FSIP2: variants seen among roughly 807,000 people sequenced by gnomAD.
FSIP2 encodes fibrous sheath interacting protein 2.
A neutral mutation model predicts 510.5 loss-of-function variants in FSIP2; 367 were observed. That is an observed-to-expected ratio of 0.72 (90% CI 0.66 to 0.78). The LOEUF (loss-of-function observed/expected upper bound fraction) is 0.78, where lower values mean the gene tolerates loss of function less well. Among genes scored for constraint, FSIP2 ranks in the 30% least tolerant of loss-of-function variants. FSIP2 has a pLI of 0.00. For synonymous variants in FSIP2, 2,601 were observed against 2,732.2 expected (o/e 0.95, Z 1.50); for missense variants, 7,594 against 7,901.7 (o/e 0.96, Z 1.48).
chr2:185,794,752 C>T lies in FSIP2; in HGVS notation c.7616C>T (p.Ala2539Val), dbSNP rs535615287. Residue 2539 changes from alanine to valine, a missense_variant, in exon 16 of 23, where the codon GCA becomes GTA. Physicochemically the swap from Ala to Val is moderately conservative, Grantham distance 64. Coordinates refer to ENST00000424728, the MANE Select transcript of FSIP2 (RefSeq NM_173651.4). ...NSFQSHINSV[A>V]NDIVESVLGK... The stretch of plus-strand genomic sequence containing the variant: ...TTTCAATCACATATTAACAGTGTAG[C>T]AAATGACATAGTTGAAAGTGTTTTG... The T allele has an allele frequency of 6.5e-7, 1 of 1,533,792 alleles. No homozygotes were observed. Among genetic ancestry groups the T allele is most frequent in the Non-Finnish European group, 8.7e-7 (1 of 1,145,314 alleles).
rs537339962 is a variant in FSIP2, at chr2:185,788,886, T to A, written c.1750T>A (p.Cys584Ser). Reference sequence around the variant, plus strand: ...AACTAAAACATTTCAGGCAGAACCCTGTGCATTTGTAGTTGACACGTCAGT... The same window carrying A: ...AACTAAAACATTTCAGGCAGAACCCAGTGCATTTGTAGTTGACACGTCAGT... The part of the protein sequence containing the change: ...ATTKTFQAEP[C>S]AFVVDTSVRR... Residue 584 changes from cysteine to serine, a missense_variant, in exon 16 of 23, where the codon TGT (cysteine) becomes AGT (serine). Cys to Ser is a moderately radical substitution (Grantham distance 112). Coordinates refer to ENST00000424728, the MANE Select transcript of FSIP2 (RefSeq NM_173651.4). 74 of 1,535,092 alleles carry A rather than the reference T, an allele frequency of 4.8e-5. No individual in the cohort carries two copies. The East Asian group carries it at 1.6e-3, about 32-fold the overall frequency.
intron 21 of FSIP2, among the ~76,000 whole-genome samples, chr2:185,828,837 C>T: frequency 6.6e-6 from 1 of 151,786 alleles, no homozygotes; most frequent in East Asian, 2.0e-4. Context: ...CTTAAACACC[C>T]TTCGAGTGGG....
At position 185,804,212 on chromosome 2, in the gene FSIP2, T is replaced by C; in HGVS notation, c.14906T>C (p.Leu4969Ser). 1 of 1,519,596 alleles carries C rather than the reference T, an allele frequency of 6.6e-7. No individual in the cohort carries two copies. The allele number at this position is 1,519,596 out of a possible 1,614,324, so 94.1% of individuals were successfully genotyped here. A position where few individuals can be genotyped will look rare whatever the true frequency, so the allele number is the denominator to read the frequency against. ...KILYAFSHNMLVTENPDRVKL... is the reference protein window; with the variant it reads ...KILYAFSHNMSVTENPDRVKL... The stretch of plus-strand genomic sequence containing the variant: ...CTTTATGCATTTTCACATAACATGT[T>C]GGTTACTGAAAATCCAGATAGAGTG... Residue 4969 changes from leucine (L) to serine (S), a missense_variant, in exon 17 of 23, where the codon TTG becomes TCG. Transcript: ENST00000424728.
rs990575982 is a variant in FSIP2 at position 185,739,265 on chromosome 2, G to A, written c.100-81G>A. ...ATTGTATAATTCTTCGGAGTCTTTG[G>A]TTGCAATGGAAGTAGATTGGTCTAA... On this transcript the variant is annotated intron_variant, in intron 1 of 22. Coordinates refer to ENST00000424728, the MANE Select transcript of FSIP2 (RefSeq NM_173651.4). 3 of 1,371,988 alleles carry A rather than the reference G, an allele frequency of 2.2e-6. No homozygotes were observed. In the African/African-American group the frequency reaches 4.5e-5, roughly 20 times the overall value. 85.0% of individuals were successfully genotyped at this position (1,371,988 alleles called of 1,614,324 possible).
rs1693641028 is a variant in FSIP2 at position 185,808,359 on chromosome 2, G to A, written c.19053G>A (p.Val6351=). Residue 6351 remains valine, a synonymous_variant, in exon 17 of 23, where the codon GTG becomes GTA. Coordinates refer to ENST00000424728, the MANE Select transcript of FSIP2 (RefSeq NM_173651.4). ...LTLDAKLLEE[V]LALFLAKLIR... ...TAGATGCCAAACTTTTAGAAGAGGT[G>A]TTGGCCTTGTTCTTGGCTAAACTAA... 6.2e-7 allele frequency: 1 copy of A among 1,611,508 alleles called. No homozygotes were observed. The highest frequency in any genetic ancestry group is 1.1e-5 in the South Asian group (1 of 90,832).
chr2:185,804,539 T>G lies in FSIP2; in HGVS notation c.15233T>G (p.Leu5078Ter). Residue 5078 changes from leucine (L) to a stop codon, truncating the protein, a stop_gained, in exon 17 of 23, where the codon TTA (leucine) becomes TGA (stop). Coordinates refer to ENST00000424728, the MANE Select transcript of FSIP2 (RefSeq NM_173651.4). LOFTEE classifies it high-confidence loss of function. ...GTGCAGTCATTAGTTTCAGGAGAATTAGAGTCTTCTTCTTATTCGTATCCC... is the reference window on the plus strand; with the variant it reads ...GTGCAGTCATTAGTTTCAGGAGAATGAGAGTCTTCTTCTTATTCGTATCCC... Reference protein sequence around the residue: ...YQVQSLVSGELESSSYSYPQA... With the variant: ...YQVQSLVSGE The G allele has an allele frequency of 7.9e-6, 12 of 1,521,086 alleles. No homozygotes were observed. The highest frequency in any genetic ancestry group is 9.7e-6 in the Non-Finnish European group (11 of 1,139,248). 94.2% of individuals were successfully genotyped at this position (1,521,086 alleles called of 1,614,324 possible). A position where few individuals can be genotyped will look rare whatever the true frequency, so the allele number is the denominator to read the frequency against.
In FSIP2 at chr2:185,804,397, A is replaced by C; in HGVS notation, c.15091A>C (p.Lys5031Gln). ...VQKIVNSVYG[K>Q]VLDQYKSLIQ... Reference sequence around the variant, plus strand: ...AAAAATAGTCAACTCAGTATATGGAAAAGTATTAGATCAATATAAATCTCT... The same window carrying C: ...AAAAATAGTCAACTCAGTATATGGACAAGTATTAGATCAATATAAATCTCT... The change falls in exon 17 of 23, where the codon AAA becomes CAA. Residue 5031 changes from lysine to glutamine, a missense_variant. Coordinates refer to ENST00000424728, the MANE Select transcript of FSIP2 (RefSeq NM_173651.4). The C allele has an allele frequency of 6.6e-7, 1 of 1,504,068 alleles. No homozygotes were observed. Among genetic ancestry groups the C allele is most frequent in the Non-Finnish European group, 8.8e-7 (1 of 1,130,172 alleles). 93.2% of individuals were successfully genotyped at this position (1,504,068 alleles called of 1,614,324 possible). A position where few individuals can be genotyped will look rare whatever the true frequency, so the allele number is the denominator to read the frequency against.
chr2:185,764,702 C>G, intron 13 of FSIP2, 137 bp downstream of exon 13: 1 of 632,002 alleles, frequency 1.6e-6, no homozygotes, highest in Non-Finnish European at 2.8e-6. Flanking sequence ...AATTTTTGCT[C>G]AGGGTTCTTA....
chr2:185,744,022 G>A (rs1574151298), intron 3 of FSIP2, among the ~76,000 whole-genome samples: 1 of 151,840 alleles, frequency 6.6e-6, no homozygotes, highest in East Asian at 1.9e-4. Context: ...TAGAGATGGG[G>A]TCTTGCTATG....
intron 13 of FSIP2, among the ~76,000 whole-genome samples, chr2:185,781,467 G>C (rs547616965): frequency 1.3e-5 from 2 of 152,252 alleles, no homozygotes; most frequent in Non-Finnish European, 2.9e-5. Context: ...GAACCCCACT[G>C]TAAGTCAAGA....
intron 7 of FSIP2, among the ~76,000 whole-genome samples, 159 bp from the exon 8 acceptor site, chr2:185,753,563 T>C (rs906060627): frequency 6.6e-6 from 1 of 151,484 alleles, no homozygotes; most frequent in African/African-American, 2.4e-5. Flanking sequence ...TGATCACAAA[T>C]GGAAATTTGC....
rs149977491 is a variant in FSIP2 at position 185,752,822 on chromosome 2, C to T, written c.871-900C>T. On this transcript the variant is annotated intron_variant, in intron 7 of 22. Coordinates refer to ENST00000424728, the MANE Select transcript of FSIP2 (RefSeq NM_173651.4). ...ATCTACTTCTTTTATAAGTCATATTCCCCTGCTTCTTTACATGCCTAGTAT... is the reference window on the plus strand; with the variant it reads ...ATCTACTTCTTTTATAAGTCATATTTCCCTGCTTCTTTACATGCCTAGTAT... Among the ~76,000 whole-genome samples the T allele has an allele frequency of 2.0e-4, 31 of 151,422 alleles. No homozygotes were observed. In the East Asian group the frequency reaches 6.0e-3, roughly 29 times the overall value.
At chr2:185,755,190 T>C (rs1692220411) in intron 8 of FSIP2, among the ~76,000 whole-genome samples, 1 of 151,586 alleles carries the variant, frequency 6.6e-6, no homozygotes, top group South Asian at 2.1e-4. Flanking sequence ...GCACCACTTT[T>C]AATTCACTTA....
At chr2:185,780,120 T>C (rs1389870557) in intron 13 of FSIP2, among the ~76,000 whole-genome samples, 1 of 152,018 alleles carries the variant, frequency 6.6e-6, no homozygotes, top group Admixed American at 6.6e-5. Flanking sequence ...TTTTATTCTA[T>C]GATGTAATTA....
In FSIP2 at chr2:185,739,391, C is replaced by T; in HGVS notation, c.145C>T (p.Leu49=). The T allele has an allele frequency of 6.5e-7, 1 of 1,535,484 alleles. No homozygotes were observed. ...HFAGVGPAQL[L]DLPLGVKLPV... Reference sequence around the variant, plus strand: ...TGCAGGGGTTGGACCGGCTCAGCTACTGGACCTACCTCTCGGGGTCAAGCT... The same window carrying T: ...TGCAGGGGTTGGACCGGCTCAGCTATTGGACCTACCTCTCGGGGTCAAGCT... Residue 49 remains leucine, a synonymous_variant, in exon 2 of 23, where the codon CTG becomes TTG. Transcript: ENST00000424728.
intron 7 of FSIP2, among the ~76,000 whole-genome samples, chr2:185,749,811 C>A (rs1692107371): frequency 6.6e-6 from 1 of 151,612 alleles, no homozygotes; most frequent in Non-Finnish European, 1.5e-5. Context: ...TTACAGGTGT[C>A]ATTCATTGGG....
intron 17 of FSIP2, among the ~76,000 whole-genome samples, chr2:185,810,148 G>A (rs1395293975): frequency 6.6e-6 from 1 of 151,964 alleles, no homozygotes; most frequent in Non-Finnish European, 1.5e-5. Context: ...GAATCTCAAG[G>A]CTAGTAAACA....
rs1332325053 is a variant in FSIP2 at position 185,792,960 on chromosome 2, T to C, written c.5824T>C (p.Ser1942Pro). ...ATSKVKSLFY[S>P]QVNFTVPVAL... Reference sequence around the variant, plus strand: ...TTCCAAAGTAAAATCTCTCTTTTATTCTCAAGTCAACTTTACAGTTCCAGT... The same window carrying C: ...TTCCAAAGTAAAATCTCTCTTTTATCCTCAAGTCAACTTTACAGTTCCAGT... Residue 1942 changes from serine (S) to proline (P), a missense_variant, in exon 16 of 23, where the codon TCT becomes CCT. By Grantham distance (74) the Ser-to-Pro change is moderately conservative. Transcript: ENST00000424728. 2 of 1,534,356 alleles carry C rather than the reference T, an allele frequency of 1.3e-6. No individual in the cohort carries two copies. The highest frequency in any genetic ancestry group is 2.7e-5 in the African/African-American group (2 of 73,004).
At position 185,801,549 on chromosome 2, in the gene FSIP2, T is replaced by C; in HGVS notation, c.12243T>C (p.Asn4081=). 4 of 1,533,928 alleles carry C rather than the reference T, an allele frequency of 2.6e-6. No individual in the cohort carries two copies. Among genetic ancestry groups the C allele is most frequent in the Non-Finnish European group, 2.6e-6 (3 of 1,145,402 alleles). The stretch of plus-strand genomic sequence containing the variant: ...CCTCAATAGCAGAACAAATAACAAA[T>C]GGCATATTGTTAGAGATTTTAGACT... ...DNASIAEQIT[N]GILLEILDYK... is the part of the protein sequence containing the mutation. The change falls in exon 17 of 23, where the codon AAT becomes AAC. Residue 4081 remains asparagine, a synonymous_variant. Transcript: ENST00000424728.
Sources: allele counts gnomAD v4.1 joint callset (sites outside exome capture counted in the v4.1 genomes callset), GRCh38; gene constraint gnomAD v4.1.1; transcripts MANE v1.5; gene names NCBI Gene and HGNC (gene_info 2026-07-23, HGNC 2026-07-21).